LRRIQ1: variants seen among roughly 807,000 people sequenced by gnomAD.
LRRIQ1 encodes the protein leucine rich repeats and IQ motif containing 1.
LRRIQ1 carries 210 observed loss-of-function variants against 211.9 expected under a neutral mutation model. That is an observed-to-expected ratio of 0.99 (90% CI 0.89 to 1.11). The LOEUF (loss-of-function observed/expected upper bound fraction) is 1.11. Ranked by LOEUF, LRRIQ1 falls within the 50% of genes most tolerant of loss-of-function variation. LRRIQ1 has a pLI of 0.00. For missense variants in LRRIQ1, 2,136 were observed against 1,939.5 expected (o/e 1.10, Z -1.90); for synonymous variants, 699 against 650.1 (o/e 1.08, Z -1.14).
intron 19 of LRRIQ1, among the ~76,000 whole-genome samples, chr12:85,139,279 A>T (rs1436350417): frequency 6.6e-6 from 1 of 151,488 alleles, no homozygotes; most frequent in Admixed American, 6.6e-5. Flanking sequence ...CATCAACTGT[A>T]GACATTCTGT....
chr12:85,155,075 A>G (rs552120850), intron 23 of LRRIQ1, among the ~76,000 whole-genome samples: 81 of 151,610 alleles, frequency 5.3e-4, no homozygotes, highest in African/African-American at 1.9e-3. Flanking sequence ...TTCAAGGAAT[A>G]ACTGATATTT....
chr12:85,082,076 T>C (rs928411786), intron 11 of LRRIQ1, among the ~76,000 whole-genome samples: 1 of 152,154 alleles, frequency 6.6e-6, no homozygotes, highest in African/African-American at 2.4e-5. Context: ...GTAGATCCTT[T>C]ACATTTTTCT....
In LRRIQ1 at chr12:85,056,067, A is replaced by G; in HGVS notation, c.1274A>G (p.Asn425Ser). Residue 425 changes from asparagine to serine, a missense_variant, in exon 8 of 27, where the codon AAT (asparagine) becomes AGT (serine). Coordinates refer to ENST00000393217, the MANE Select transcript of LRRIQ1 (RefSeq NM_001079910.2). ...AATGATAAGGGTGATATAGCCAAAA[A>G]TCTAGTGGATGAAAATTCAAAGAAG... ...ISNDKGDIAK[N>S]LVDENSKKQE... The G allele has an allele frequency of 6.3e-7, 1 of 1,594,750 alleles. No homozygotes were observed. The highest frequency in any genetic ancestry group is 8.5e-7 in the Non-Finnish European group (1 of 1,174,824).
In LRRIQ1 at chr12:85,227,189, C is replaced by T. The variant is rs12313260; in HGVS notation, c.4823-2328C>T. Among the ~76,000 whole-genome samples, 464 of 152,256 alleles carry T rather than the reference C, an allele frequency of 3.0e-3. 4 individuals carry two copies. Among genetic ancestry groups the T allele is most frequent in the African/African-American group, 0.01 (430 of 41,544 alleles). ...AAAAGTGTTCCTATTTCTTCACATC[C>T]TCTCCAGCACCTGTTGTTGCCTGAC... On this transcript the variant is annotated intron_variant, in intron 24 of 26. Coordinates refer to ENST00000393217, the MANE Select transcript of LRRIQ1 (RefSeq NM_001079910.2).
chr12:85,266,012 T>C (rs1896410344), downstream of LRRIQ1, among the ~76,000 whole-genome samples: 1 of 151,966 alleles, frequency 6.6e-6, no homozygotes, highest in South Asian at 2.1e-4. Flanking sequence ...TATTATGAAA[T>C]AAAAAGTGGA....
intron 18 of LRRIQ1, among the ~76,000 whole-genome samples, chr12:85,129,303 T>G (rs1266495716): frequency 6.6e-6 from 1 of 152,124 alleles, no homozygotes; most frequent in East Asian, 1.9e-4. Flanking sequence ...TATATCCTGG[T>G]GGAGGATGCA....
chr12:85,182,878 G>T (rs1592934330), intron 24 of LRRIQ1, among the ~76,000 whole-genome samples: 1 of 152,242 alleles, frequency 6.6e-6, no homozygotes, highest in Middle Eastern at 3.4e-3. Context: ...AAGCAGAAAG[G>T]CCCGAGGCAG....
At chr12:85,272,578 T>C in the LRRIQ1 span, among the ~76,000 whole-genome samples, 2 of 152,174 alleles carry the variant, frequency 1.3e-5, no homozygotes, top group African/African-American at 4.8e-5. Flanking sequence ...ATGTATTCTT[T>C]AAAGCCTTTT....
downstream of LRRIQ1, among the ~76,000 whole-genome samples, chr12:85,268,593 TTAAATTATATGTCC>T (rs919071480): frequency 6.6e-6 from 1 of 151,926 alleles, no homozygotes; most frequent in Non-Finnish European, 1.5e-5. Context: ...TATTAGCCCC[TTAAATTATATGTCC>T]TAAAGAAAAA....
rs762512583 is a variant in LRRIQ1, at chr12:85,055,859, G to A, written c.1066G>A (p.Glu356Lys). ...KEERKKQKEE[E>K]RKRREKEYEE... is the part of the protein sequence containing the mutation. ...AGAGAGAAAAAAGCAAAAGGAAGAGGAAAGGAAAAGGAGAGAAAAAGAATA... is the reference window on the plus strand; with the variant it reads ...AGAGAGAAAAAAGCAAAAGGAAGAGAAAAGGAAAAGGAGAGAAAAAGAATA... Residue 356 changes from glutamate (E) to lysine (K), a missense_variant, in exon 8 of 27, where the codon GAA (glutamate) becomes AAA (lysine). By Grantham distance (56) the Glu-to-Lys change is moderately conservative (BLOSUM62 1). Coordinates refer to ENST00000393217, the MANE Select transcript of LRRIQ1 (RefSeq NM_001079910.2). 3.2e-6 allele frequency: 5 copies of A among 1,579,956 alleles called. No homozygotes were observed. The South Asian group carries it at 5.9e-5, about 19-fold the overall frequency.
At chr12:85,149,425 T>C (rs1890096855) in intron 19 of LRRIQ1, among the ~76,000 whole-genome samples, 1 of 151,988 alleles carries the variant, frequency 6.6e-6, no homozygotes, top group Non-Finnish European at 1.5e-5. Flanking sequence ...TCCCATTGCT[T>C]ATTTTTGTCA....
intron 1 of LRRIQ1, among the ~76,000 whole-genome samples, chr12:85,259,248 T>A (rs1472021266): frequency 6.6e-6 from 1 of 152,074 alleles, no homozygotes; most frequent in Non-Finnish European, 1.5e-5. Flanking sequence ...GTCGTACATA[T>A]TTTTGTTCTA....
intron 1 of LRRIQ1, among the ~76,000 whole-genome samples, chr12:85,252,670 G>GA (rs1241745733): frequency 1.1e-4 from 16 of 149,372 alleles, no homozygotes; most frequent in South Asian, 1.1e-3. Context: ...AATCTCTCTT[G>GA]AAAAAAAAAT....
Position 85,057,085 on chromosome 12 carries a change from T to G in LRRIQ1, c.2292T>G (p.Ile764Met). The stretch of plus-strand genomic sequence containing the variant: ...TCAAGCAAAATCAACAAAAGAAAAT[T>G]GTTAGAAGAAAGAGACCTGTGAAAT... ...EIFKQNQQKK[I>M]VRRKRPVKCP... Residue 764 changes from isoleucine (I) to methionine (M), a missense_variant, in exon 8 of 27, where the codon ATT (isoleucine) becomes ATG (methionine). Coordinates refer to ENST00000393217, the MANE Select transcript of LRRIQ1 (RefSeq NM_001079910.2). The G allele has an allele frequency of 6.2e-7, 1 of 1,608,324 alleles. No individual in the cohort carries two copies. Among genetic ancestry groups the G allele is most frequent in the Non-Finnish European group, 8.5e-7 (1 of 1,178,176 alleles).
chr12:85,239,740 G>T (rs1393545733), intron 26 of LRRIQ1, among the ~76,000 whole-genome samples: 1 of 152,136 alleles, frequency 6.6e-6, no homozygotes, highest in South Asian at 2.1e-4. Flanking sequence ...CACTGTGGGA[G>T]GCCCAGGCAG....
At chr12:85,171,127 G>T (rs1453362178) in intron 24 of LRRIQ1, among the ~76,000 whole-genome samples, 2 of 152,144 alleles carry the variant, frequency 1.3e-5, no homozygotes, top group East Asian at 3.9e-4. Flanking sequence ...TAATATCTTT[G>T]AGGATACGGA....
chr12:85,127,157 A>G (rs1888424688), intron 17 of LRRIQ1, among the ~76,000 whole-genome samples: 1 of 152,182 alleles, frequency 6.6e-6, no homozygotes, highest in South Asian at 2.1e-4. Flanking sequence ...ACACACTGAC[A>G]ATCCACTTTT....
intron 24 of LRRIQ1, among the ~76,000 whole-genome samples, chr12:85,214,568 G>A (rs1027246620): frequency 6.6e-6 from 1 of 152,072 alleles, no homozygotes; most frequent in Non-Finnish European, 1.5e-5. Context: ...AGCAGCGGGA[G>A]AGCCAAGACA....
At chr12:85,250,899 A>G (rs1356777617) in intron 1 of LRRIQ1, among the ~76,000 whole-genome samples, 1 of 102,012 alleles carries the variant, frequency 9.8e-6, no homozygotes, top group Non-Finnish European at 1.8e-5. Flanking sequence ...TATATTTTAT[A>G]TATTATATAT....
Sources: gnomAD v4.1 joint callset for allele counts (sites outside exome capture counted in the v4.1 genomes callset) on GRCh38, gnomAD v4.1.1 for gene constraint, MANE v1.5 for transcripts, NCBI Gene and HGNC (gene_info 2026-07-23, HGNC 2026-07-21) for gene names.